CTNNA2: variants seen among roughly 807,000 people sequenced by gnomAD.
CTNNA2 encodes the protein catenin alpha-2.
In CTNNA2, 42 loss-of-function variants were observed where a neutral mutation model predicts 101.0. The ratio of observed to expected loss-of-function variants is 0.42; its 90% CI spans 0.32 to 0.54. The LOEUF is 0.54. CTNNA2 is among the 20% of genes least tolerant of loss of function. The probability of loss-of-function intolerance (pLI) is 0.14; values close to 1 mark genes in which losing one functional copy is unlikely to be tolerated. For missense variants in CTNNA2, 871 were observed against 1,223.1 expected (o/e 0.71, Z 4.29); for synonymous variants, 450 against 456.4 (o/e 0.99, Z 0.18).
intron 1 of CTNNA2, among the ~76,000 whole-genome samples, chr2:79,644,554 C>T (rs1329861398): frequency 6.6e-6 from 1 of 152,136 alleles, no homozygotes; most frequent in Non-Finnish European, 1.5e-5. Flanking sequence ...TCACAGGTTC[C>T]TTCTCTTGAC....
chr2:79,327,953 A>G (rs1676783960), intron 3 of CTNNA2, among the ~76,000 whole-genome samples: 1 of 151,422 alleles, frequency 6.6e-6, no homozygotes, highest in African/African-American at 2.4e-5. Flanking sequence ...TATGTCACAA[A>G]GATGCCCTGG....
intron 2 of CTNNA2, among the ~76,000 whole-genome samples, chr2:79,222,153 A>T (rs994096111): frequency 2.0e-5 from 3 of 152,210 alleles, no homozygotes; most frequent in African/African-American, 7.2e-5. Context: ...ACCCAGCACC[A>T]GGACCAGGAT....
chr2:79,816,789 C>T lies in CTNNA2; in HGVS notation c.299-41224C>T, dbSNP rs115896509. Among the ~76,000 whole-genome samples the T allele has an allele frequency of 2.0e-3, 298 of 152,282 alleles. 1 individual carries two copies. Among genetic ancestry groups the T allele is most frequent in the African/African-American group, 6.9e-3 (287 of 41,550 alleles). ...AATTTGCTGAATTATTTAATCCTCA[C>T]ATCAACTCTGTTATTATTCCCATTT... On this transcript the variant is annotated intron_variant, in intron 3 of 18. Coordinates refer to ENST00000402739, the MANE Select transcript of CTNNA2 (RefSeq NM_001282597.3).
intron 9 of CTNNA2, among the ~76,000 whole-genome samples, chr2:80,518,240 A>G (rs1427121918): frequency 6.6e-6 from 1 of 152,232 alleles, no homozygotes; most frequent in Non-Finnish European, 1.5e-5. Context: ...TGAGCTGATG[A>G]TCTCTAGTGG....
chr2:79,575,484 T>C (rs1675735821), intron 1 of CTNNA2: 1 of 152,160 alleles, frequency 6.6e-6, no homozygotes, highest in South Asian at 2.1e-4. Context: ...TTGATCTCGT[T>C]GCTATAGAGA....
At chr2:79,667,202 C>T (rs190549578) in intron 2 of CTNNA2, among the ~76,000 whole-genome samples, 8 of 152,180 alleles carry the variant, frequency 5.3e-5, no homozygotes, top group African/African-American at 1.7e-4. Context: ...AATAGAGCAG[C>T]GCAAAATGTA....
intron 3 of CTNNA2, among the ~76,000 whole-genome samples, chr2:79,797,600 G>C (rs1034189801): frequency 6.7e-6 from 1 of 149,084 alleles, no homozygotes; most frequent in Non-Finnish European, 1.5e-5. Context: ...GGCAGAGGTT[G>C]CAGTGAGCCA....
intron 4 of CTNNA2, among the ~76,000 whole-genome samples, chr2:79,453,474 A>C (rs1410349088): frequency 1.3e-5 from 2 of 152,164 alleles, no homozygotes; most frequent in African/African-American, 4.8e-5. Context: ...AATTTGTGCC[A>C]ACAGATAAGT....
intron 4 of CTNNA2, among the ~76,000 whole-genome samples, chr2:79,375,929 A>C (rs1228103088): frequency 6.6e-6 from 1 of 152,206 alleles, no homozygotes; most frequent in Non-Finnish European, 1.5e-5. Context: ...CCTGTAACTC[A>C]TGACAAAGAC....
chr2:79,946,414 G>C (rs2104474761), intron 7 of CTNNA2, among the ~76,000 whole-genome samples: 1 of 152,282 alleles, frequency 6.6e-6, no homozygotes, highest in East Asian at 1.9e-4. Flanking sequence ...TGAACTGAGA[G>C]TCTATTACTT....
intron 1 of CTNNA2, among the ~76,000 whole-genome samples, chr2:79,611,487 A>G (rs1678270517): frequency 6.6e-6 from 1 of 152,178 alleles, no homozygotes; most frequent in Non-Finnish European, 1.5e-5. Context: ...GGAAGGCATT[A>G]AATACAGAAT....
At chr2:79,520,456 C>A (rs1279276062) in intron 1 of CTNNA2, among the ~76,000 whole-genome samples, 1 of 151,952 alleles carries the variant, frequency 6.6e-6, no homozygotes, top group Non-Finnish European at 1.5e-5. Flanking sequence ...GGCAAAGATC[C>A]CTTAGGACCC....
chr2:80,237,526 T>C (rs561844963), intron 7 of CTNNA2, among the ~76,000 whole-genome samples: 4 of 152,268 alleles, frequency 2.6e-5, no homozygotes, highest in African/African-American at 7.2e-5. Flanking sequence ...TTGGCAATAG[T>C]AGTAGGAGAG....
At chr2:80,240,382 C>A (rs1439710529) in intron 7 of CTNNA2, among the ~76,000 whole-genome samples, 10 of 152,150 alleles carry the variant, frequency 6.6e-5, no homozygotes, top group Non-Finnish European at 1.3e-4. Context: ...GTTTCCCCTG[C>A]AACACTCAAT....
intron 5 of CTNNA2, among the ~76,000 whole-genome samples, chr2:79,870,427 G>T (rs1682495466): frequency 6.6e-6 from 1 of 151,766 alleles, no homozygotes; most frequent in East Asian, 1.9e-4. Flanking sequence ...TGCAGGGGTG[G>T]GGGAACGGAG....
chr2:80,263,590 C>T (rs1306716489), intron 7 of CTNNA2, among the ~76,000 whole-genome samples: 3 of 152,200 alleles, frequency 2.0e-5, no homozygotes, highest in Non-Finnish European at 2.9e-5. Flanking sequence ...CCTGCCTCGG[C>T]CTCCCAAAGT....
chr2:79,911,455 CTAAA>C (rs1282173185), intron 7 of CTNNA2, among the ~76,000 whole-genome samples: 3 of 152,152 alleles, frequency 2.0e-5, no homozygotes, highest in Non-Finnish European at 2.9e-5. Context: ...CAGAACGTGA[CTAAA>C]TAAGAGTTGA....
chr2:79,341,134 GGTGA>G (rs1299267229), intron 3 of CTNNA2, among the ~76,000 whole-genome samples: 1 of 152,018 alleles, frequency 6.6e-6, no homozygotes, highest in Non-Finnish European at 1.5e-5. Context: ...TCACACAACT[GGTGA>G]GTGAGTTAGG....
intron 7 of CTNNA2, among the ~76,000 whole-genome samples, chr2:80,145,461 A>G (rs6723225): frequency 0.41 from 62,432 of 151,800 alleles, 13,905 homozygotes; most frequent in Non-Finnish European, 0.51. Flanking sequence ...TTTAAAAGCT[A>G]TTCATTTGCA....
Sources: allele counts gnomAD v4.1 joint callset (sites outside exome capture counted in the v4.1 genomes callset), GRCh38; gene constraint gnomAD v4.1.1; transcripts MANE v1.5; gene names NCBI Gene and HGNC (gene_info 2026-07-23, HGNC 2026-07-21).